The following SUCLA2 variants were observed in gnomAD, a reference collection of about 807,000 sequenced individuals.
SUCLA2 encodes the protein succinate-CoA ligase ADP-forming subunit beta.
Under a neutral mutation model 54.8 loss-of-function variants are expected in SUCLA2, and 30 were observed. The ratio of observed to expected loss-of-function variants is 0.55; its 90% CI spans 0.41 to 0.74. SUCLA2 has a LOEUF of 0.74. SUCLA2 is among the 30% of genes least tolerant of loss of function. SUCLA2 has a pLI of 0.00. For synonymous variants in SUCLA2, 172 were observed against 188.9 expected, an observed-to-expected ratio of 0.91 and a Z score of 0.74; for missense variants, 476 against 562.9, an observed-to-expected ratio of 0.85 and a Z score of 1.56.
At chr13:47,986,475 T>C (rs1166565515) in intron 4 of SUCLA2, among the ~76,000 whole-genome samples, 2 of 152,266 alleles carry the variant, frequency 1.3e-5, no homozygotes, top group Non-Finnish European at 2.9e-5. Flanking sequence ...TGCAAAAATC[T>C]ACTCCCATTC....
At chr13:47,981,851 G>A (rs2406701) in intron 4 of SUCLA2, among the ~76,000 whole-genome samples, 16,876 of 152,006 alleles carry the variant, frequency 0.11, 1,345 homozygotes, top group African/African-American at 0.22. Flanking sequence ...AGGGTGTGGT[G>A]GTGGGTGCCT....
At chr13:47,955,172 A>G (rs1257844187) in intron 6 of SUCLA2, among the ~76,000 whole-genome samples, 1 of 152,124 alleles carries the variant, frequency 6.6e-6, no homozygotes, top group African/African-American at 2.4e-5. Context: ...GGGGTGAGCA[A>G]ACTATGGCCA....
At chr13:47,984,444 C>T (rs1011933118) in intron 4 of SUCLA2, among the ~76,000 whole-genome samples, 3 of 152,020 alleles carry the variant, frequency 2.0e-5, no homozygotes, top group Non-Finnish European at 2.9e-5. Context: ...CCTCATGATC[C>T]GCCCGCCTCA....
At chr13:47,984,521 C>T (rs1241971226) in intron 4 of SUCLA2, among the ~76,000 whole-genome samples, 1 of 152,074 alleles carries the variant, frequency 6.6e-6, no homozygotes, top group East Asian at 1.9e-4. Context: ...ACTTTCTTAA[C>T]CTAAGTTCTT....
rs1187637724 is a variant in SUCLA2 at position 47,949,622 on chromosome 13, G to A, written c.1108-19C>T. Reference sequence around the variant, plus strand: ...CCAGTACCTATGAATAAAGTGTTCTGATAGATTAAAATTTAAAAGAAATTT... The same window carrying A: ...CCAGTACCTATGAATAAAGTGTTCTAATAGATTAAAATTTAAAAGAAATTT... On this transcript the variant is annotated intron_variant, in intron 8 of 10. Coordinates refer to ENST00000646932, the MANE Select transcript of SUCLA2 (RefSeq NM_003850.3). 5 of 1,611,930 alleles carry A rather than the reference G, an allele frequency of 3.1e-6. No homozygotes were observed. The highest frequency in any genetic ancestry group is 4.5e-5 in the East Asian group (2 of 44,796).
At chr13:47,971,872 TCAA>T (rs1949969070) in intron 5 of SUCLA2, 2 of 398,412 alleles carry the variant, frequency 5.0e-6, no homozygotes, top group Non-Finnish European at 8.8e-6. Flanking sequence ...CTCAGTTTCT[TCAA>T]CAACTGAACT....
chr13:47,947,068 G>A (rs1949737592), intron 10 of SUCLA2, among the ~76,000 whole-genome samples: 1 of 152,114 alleles, frequency 6.6e-6, no homozygotes, highest in East Asian at 1.9e-4. Flanking sequence ...ACGTAAAGAT[G>A]AGCCTGAAAC....
At chr13:47,951,216 T>A (rs1220705883) in intron 8 of SUCLA2, among the ~76,000 whole-genome samples, 1 of 152,058 alleles carries the variant, frequency 6.6e-6, no homozygotes, top group Admixed American at 6.6e-5. Flanking sequence ...ATAAATCTCA[T>A]TCTCCGCTCA....
intron 6 of SUCLA2, among the ~76,000 whole-genome samples, chr13:47,955,526 A>T (rs1352030669): frequency 6.6e-6 from 1 of 152,176 alleles, no homozygotes; most frequent in Admixed American, 6.5e-5. Flanking sequence ...AATGGCCTGT[A>T]AGCTAAGAAT....
In SUCLA2 at chr13:47,943,414, G is replaced by A. The variant is rs779119768; in HGVS notation, c.1349C>T (p.Ala450Val). The change falls in exon 11 of 11, where the codon GCG becomes GTG. Residue 450 changes from alanine to valine, a missense_variant. Physicochemically the swap from Ala to Val is moderately conservative, Grantham distance 64. This residue lies in a region of SUCLA2 where 342 missense variants were observed against 444.2 expected (regional missense o/e 0.77). Coordinates refer to ENST00000646932, the MANE Select transcript of SUCLA2 (RefSeq NM_003850.3). ...VVKLSEIVTLAKQAHVDVKFQ... is the reference protein window; with the variant it reads ...VVKLSEIVTLVKQAHVDVKFQ... ...TTTCACATCCACATGTGCTTGCTTC[G>A]CTAAGGTCACTATTTCAGAGAGCTT... 11 of 1,613,648 alleles carry A rather than the reference G, an allele frequency of 6.8e-6. No homozygotes were observed. Among genetic ancestry groups the A allele is most frequent in the Admixed American group, 1.7e-5 (1 of 59,970 alleles).
At chr13:48,000,923 C>CT in intron 1 of SUCLA2, 1 of 1,377,218 alleles carries the variant, frequency 7.3e-7, no homozygotes, top group Non-Finnish European at 9.4e-7. Context: ...CCGCCCATCT[C>CT]TTAGAAACTG....
At chr13:47,979,228 T>A (rs948974625) in intron 4 of SUCLA2, among the ~76,000 whole-genome samples, 1 of 152,124 alleles carries the variant, frequency 6.6e-6, no homozygotes, top group African/African-American at 2.4e-5. Context: ...AGCAAAGACT[T>A]GGAATCAACC....
At position 47,964,719 on chromosome 13, in the gene SUCLA2, T is replaced by A. The variant is rs143543637; in HGVS notation, c.802+3876A>T. Among the ~76,000 whole-genome samples, 1,368 of 152,126 alleles carry A rather than the reference T, an allele frequency of 9.0e-3. 18 individuals carry two copies. The highest frequency in any genetic ancestry group is 0.031 in the African/African-American group (1,298 of 41,496). On this transcript the variant is annotated intron_variant, in intron 6 of 10. Transcript: ENST00000646932. ...AAAAATACAAAAAATTAGCCGGGCGTGGTGGCGGGCACCTGTAGTCCCAGC... is the reference window on the plus strand; with the variant it reads ...AAAAATACAAAAAATTAGCCGGGCGAGGTGGCGGGCACCTGTAGTCCCAGC...
chr13:47,955,376 AGT>A (rs1165748524), intron 6 of SUCLA2, among the ~76,000 whole-genome samples: 4 of 152,010 alleles, frequency 2.6e-5, no homozygotes, highest in Admixed American at 6.6e-5. Flanking sequence ...TAATTTTTGT[AGT>A]TTTAGTAGAG....
chr13:47,978,277 T>A (rs1217210329), intron 4 of SUCLA2, among the ~76,000 whole-genome samples: 2 of 152,146 alleles, frequency 1.3e-5, no homozygotes, highest in Non-Finnish European at 2.9e-5. Flanking sequence ...ACTACAAGGC[T>A]ACAGTAAACA....
At chr13:47,950,535 A>C (rs75906388) in intron 8 of SUCLA2, among the ~76,000 whole-genome samples, 4,307 of 152,220 alleles carry the variant, frequency 0.028, 96 homozygotes, top group South Asian at 0.081. Flanking sequence ...CTTCTCCTGT[A>C]TGGCCCTCTC....
At chr13:47,965,501 AAAAAAACAAACAAAC>A (rs1949910340) in intron 6 of SUCLA2, 3 of 389,500 alleles carry the variant, frequency 7.7e-6, no homozygotes, top group African/African-American at 4.2e-5. Flanking sequence ...CTTTAAAAAA[AAAAAAACAAACAAAC>A]AAAAAAAAAA....
chr13:47,943,592 A>G, intron 10 of SUCLA2, 147 bp from the exon 11 acceptor site: 1 of 706,090 alleles, frequency 1.4e-6, no homozygotes, highest in Non-Finnish European at 2.5e-6. Context: ...CTTATAAGCA[A>G]ATGACATTCT....
intron 4 of SUCLA2, chr13:47,988,270 G>A (rs1182122706): frequency 2.0e-6 from 1 of 512,800 alleles, no homozygotes; most frequent in Non-Finnish European, 3.4e-6. Flanking sequence ...GATGATTTAA[G>A]CTGCTTTTAG....
Sources: allele counts gnomAD v4.1 joint callset (sites outside exome capture counted in the v4.1 genomes callset), GRCh38; gene constraint gnomAD v4.1.1; regional missense constraint gnomAD v4.1.1; transcripts MANE v1.5; gene names NCBI Gene and HGNC (gene_info 2026-07-23, HGNC 2026-07-21).